The following MYOF variants were observed in gnomAD, a reference collection of about 807,000 sequenced individuals.
The protein encoded by MYOF is fer-1-like 3, myoferlin.
In MYOF, 244 loss-of-function variants were observed where a neutral mutation model predicts 284.2. The ratio of observed to expected loss-of-function variants is 0.86; its 90% CI spans 0.77 to 0.95. MYOF has a LOEUF of 0.95. Ranked by LOEUF, MYOF falls within the 40% of genes least tolerant of loss-of-function variation. MYOF has a pLI of 0.00. For missense variants in MYOF, 2,496 were observed against 2,560.6 expected, an observed-to-expected ratio of 0.97 and a Z score of 0.54; for synonymous variants, 904 against 919.7, an observed-to-expected ratio of 0.98 and a Z score of 0.31.
In MYOF at chr10:93,370,314, A is replaced by AT. The variant is rs916555324; in HGVS notation, c.2458-539dup. ...GTTGATCAAGCAGTAATGATTACTA[A>AT]TTTTTTTTTTTTTTTTTTTTTGAGA... On this transcript the variant is annotated intron_variant, in intron 24 of 53. Coordinates refer to ENST00000359263, the MANE Select transcript of MYOF (RefSeq NM_013451.4). Among the ~76,000 whole-genome samples the AT allele has an allele frequency of 5.7e-3, 696 of 122,368 alleles. 6 individuals carry two copies. Among genetic ancestry groups the AT allele is most frequent in the Non-Finnish European group, 7.3e-3 (454 of 62,374 alleles). 80.3% of individuals were successfully genotyped at this position (122,368 alleles called of 152,430 possible).
At chr10:93,443,067 T>C (rs940280020) in intron 3 of MYOF, among the ~76,000 whole-genome samples, 1 of 151,142 alleles carries the variant, frequency 6.6e-6, no homozygotes, top group African/African-American at 2.4e-5. Context: ...GAGGCTGAGG[T>C]AGGAGAATCA....
rs374633447 is a variant in MYOF, at chr10:93,319,998, A to G, written c.5472T>C (p.Asn1824=). ...CATCTGTTTTCTGTTTGTTTTCTTC[A>G]TTGCCAGGAATCCAGCTGAAAGGCA... ...DIYVKGWIPG[N]EENKQKTDVH... Residue 1824 remains asparagine (N), a synonymous_variant, in exon 49 of 54, where the codon AAT becomes AAC. Coordinates refer to ENST00000359263, the MANE Select transcript of MYOF (RefSeq NM_013451.4). 9.9e-6 allele frequency: 16 copies of G among 1,614,056 alleles called. No homozygotes were observed. Among genetic ancestry groups the G allele is most frequent in the Non-Finnish European group, 4.2e-6 (5 of 1,180,010 alleles).
At chr10:93,315,847 G>A (rs118037480) in intron 50 of MYOF, among the ~76,000 whole-genome samples, 9 of 152,114 alleles carry the variant, frequency 5.9e-5, no homozygotes, top group Admixed American at 2.0e-4. Flanking sequence ...GAGGCTGGGC[G>A]CTGTGGCTTA....
chr10:93,317,689 G>A (rs896227869), intron 49 of MYOF, among the ~76,000 whole-genome samples: 15 of 152,102 alleles, frequency 9.9e-5, no homozygotes, highest in African/African-American at 3.6e-4. Context: ...GGTCACTTAA[G>A]ACCCTCAGAT....
chr10:93,475,843 C>T (rs181488891), intron 1 of MYOF, among the ~76,000 whole-genome samples: 2 of 152,200 alleles, frequency 1.3e-5, no homozygotes, highest in African/African-American at 4.8e-5. Flanking sequence ...AAAAACAAGG[C>T]ACGTTAATTA....
In MYOF at chr10:93,374,916, T is replaced by C. The variant is rs376007212; in HGVS notation, c.2148A>G (p.Thr716=). 3 of 1,614,016 alleles carry C rather than the reference T, an allele frequency of 1.9e-6. No individual in the cohort carries two copies. Among genetic ancestry groups the C allele is most frequent in the Admixed American group, 1.7e-5 (1 of 59,970 alleles). ...LPLTEGKANV[T]VLDTQIRKLR... ...GCTTTCGGATCTGAGTATCGAGAAC[T>C]GTGACGTTGGCTTTTCCTTCTGTGA... The change falls in exon 23 of 54, where the codon ACA becomes ACG. Residue 716 remains threonine, a synonymous_variant. Coordinates refer to ENST00000359263, the MANE Select transcript of MYOF (RefSeq NM_013451.4).
At chr10:93,335,145 G>A (rs545031344) in intron 41 of MYOF, among the ~76,000 whole-genome samples, 5 of 152,262 alleles carry the variant, frequency 3.3e-5, no homozygotes, top group East Asian at 1.9e-4. Context: ...TTGAGCTGGC[G>A]CTTAAAAGAA....
At chr10:93,371,394 A>G (rs1469340081) in intron 24 of MYOF, among the ~76,000 whole-genome samples, 1 of 152,326 alleles carries the variant, frequency 6.6e-6, no homozygotes, top group Non-Finnish European at 1.5e-5. Context: ...GATCCTTATC[A>G]TATACTTCAA....
At chr10:93,362,210 A>C (rs1170251915) in intron 27 of MYOF, among the ~76,000 whole-genome samples, 1 of 150,380 alleles carries the variant, frequency 6.6e-6, no homozygotes, top group African/African-American at 2.5e-5. Context: ...GGCCTCCCAA[A>C]GTGCTGGGAT....
Position 93,313,016 on chromosome 10 carries a change from A to G in MYOF, c.5889+4T>C. On this transcript the variant is annotated splice_donor_region_variant and intron_variant, in intron 51 of 53. Coordinates refer to ENST00000359263, the MANE Select transcript of MYOF (RefSeq NM_013451.4). ...TTTCAACCAGAACCAGGAAATGTTCATACAGCCATTACGCGGGCGCCATCT... is the reference window on the plus strand; with the variant it reads ...TTTCAACCAGAACCAGGAAATGTTCGTACAGCCATTACGCGGGCGCCATCT... 6.2e-7 allele frequency: 1 copy of G among 1,602,856 alleles called. No individual in the cohort carries two copies. The highest frequency in any genetic ancestry group is 8.5e-7 in the Non-Finnish European group (1 of 1,175,362).
intron 41 of MYOF, 103 bp downstream of exon 41, chr10:93,335,818 G>C: frequency 7.2e-7 from 1 of 1,393,332 alleles, no homozygotes; most frequent in East Asian, 2.3e-5. Context: ...TCCCTCAGAG[G>C]CTGCAGGATG....
chr10:93,330,388 G>T lies in MYOF; in HGVS notation c.4812-554C>A, dbSNP rs148951506. On this transcript the variant is annotated intron_variant, in intron 43 of 53. Transcript: ENST00000359263. Reference sequence around the variant, plus strand: ...AGCCCCCTACCTGTGCCCCTCCTAGGTTCCCTCCTCTGCCTCAATAGAGAC... The same window carrying T: ...AGCCCCCTACCTGTGCCCCTCCTAGTTTCCCTCCTCTGCCTCAATAGAGAC... Among the ~76,000 whole-genome samples, 906 of 152,134 alleles carry T rather than the reference G, an allele frequency of 6.0e-3. 25 individuals carry two copies. Among genetic ancestry groups the T allele is most frequent in the East Asian group, 0.012 (64 of 5,176 alleles).
Position 93,335,906 on chromosome 10 carries a change from A to G in MYOF, c.4563+15T>C, listed in dbSNP as rs745507697. 3 of 1,612,850 alleles carry G rather than the reference A, an allele frequency of 1.9e-6. No individual in the cohort carries two copies. In the East Asian group the frequency reaches 6.7e-5, roughly 36 times the overall value. The stretch of plus-strand genomic sequence containing the variant: ...AAGGTGGATTTTAAACGGGACCAAC[A>G]CACATCTTACTCACCTTAAACTCTC... On this transcript the variant is annotated intron_variant, in intron 41 of 53. Transcript: ENST00000359263.
chr10:93,448,167 C>T (rs140442255), intron 3 of MYOF, among the ~76,000 whole-genome samples: 10 of 152,296 alleles, frequency 6.6e-5, no homozygotes, highest in African/African-American at 2.2e-4. Context: ...AGGGCCTTTG[C>T]ACTTGCTATT....
chr10:93,471,011 A>G (rs61865267), intron 1 of MYOF, among the ~76,000 whole-genome samples: 1 of 152,172 alleles, frequency 6.6e-6, no homozygotes, highest in Admixed American at 6.5e-5. Flanking sequence ...AAGGGCAAGG[A>G]ATTTTTTTTT....
chr10:93,436,005 T>C (rs1334893540), intron 3 of MYOF, among the ~76,000 whole-genome samples: 2 of 151,828 alleles, frequency 1.3e-5, no homozygotes, highest in Non-Finnish European at 2.9e-5. Context: ...ATGTTCGTGT[T>C]AGACCATCTA....
intron 13 of MYOF, among the ~76,000 whole-genome samples, chr10:93,399,036 GGGT>G (rs1440038154): frequency 3.3e-5 from 5 of 152,036 alleles, no homozygotes; most frequent in Non-Finnish European, 5.9e-5. Context: ...CACTGGGGGG[GGGT>G]CTCTGTCCTA....
intron 27 of MYOF, among the ~76,000 whole-genome samples, chr10:93,363,714 T>C (rs897060388): frequency 1.3e-5 from 2 of 152,208 alleles, no homozygotes; most frequent in Non-Finnish European, 2.9e-5. Flanking sequence ...AATAAAAATT[T>C]ACCTAAAAAA....
Position 93,339,795 on chromosome 10 carries a change from C to T in MYOF, c.4338+358G>A, listed in dbSNP as rs563035769. 3.0e-3 allele frequency among the ~76,000 whole-genome samples: 451 copies of T among 151,970 alleles called. 5 individuals carry two copies. The highest frequency in any genetic ancestry group is 0.02 in the Middle Eastern group (6 of 294). ...CCCTAGATTTAGAAAAAAATTATTC[C>T]CAGGCTGGGCGCAGTGGCTCACGCC... On this transcript the variant is annotated intron_variant, in intron 39 of 53. Coordinates refer to ENST00000359263, the MANE Select transcript of MYOF (RefSeq NM_013451.4).
Sources: allele counts gnomAD v4.1 joint callset (sites outside exome capture counted in the v4.1 genomes callset), GRCh38; gene constraint gnomAD v4.1.1; transcripts MANE v1.5; gene names NCBI Gene and HGNC (gene_info 2026-07-23, HGNC 2026-07-21).